The following CWC27 variants were observed in gnomAD, a reference collection of about 807,000 sequenced individuals.
CWC27 encodes the protein spliceosome-associated protein CWC27 homolog.
In CWC27, 47 loss-of-function variants were observed where a neutral mutation model predicts 63.6. That is an observed-to-expected ratio of 0.74 (90% CI 0.58 to 0.94). The LOEUF (loss-of-function observed/expected upper bound fraction) is 0.94, where lower values mean the gene tolerates loss of function less well. Ranked by LOEUF, CWC27 falls within the 40% of genes least tolerant of loss-of-function variation. The pLI is 0.00. For synonymous variants in CWC27, 175 were observed against 179.8 expected, an observed-to-expected ratio of 0.97 and a Z score of 0.22; for missense variants, 495 against 554.3, an observed-to-expected ratio of 0.89 and a Z score of 1.07.
intron 10 of CWC27, among the ~76,000 whole-genome samples, chr5:64,882,439 C>A (rs1746961477): frequency 6.6e-6 from 1 of 152,020 alleles, no homozygotes; most frequent in Non-Finnish European, 1.5e-5. Flanking sequence ...TTGAGATTTG[C>A]TATAAGTGTA....
At chr5:65,010,634 A>G (rs373514108) in intron 13 of CWC27, among the ~76,000 whole-genome samples, 3 of 152,314 alleles carry the variant, frequency 2.0e-5, no homozygotes, top group East Asian at 3.9e-4. Context: ...AGGTCTTTTA[A>G]CCCACATGGG....
At chr5:64,837,506 CT>C (rs561589444) in intron 10 of CWC27, among the ~76,000 whole-genome samples, 42 of 144,576 alleles carry the variant, frequency 2.9e-4, no homozygotes, top group South Asian at 1.1e-3. Flanking sequence ...AACTCATTCT[CT>C]TTTTTTTTTT....
At chr5:64,905,417 C>T (rs909161722) in intron 11 of CWC27, among the ~76,000 whole-genome samples, 2 of 151,928 alleles carry the variant, frequency 1.3e-5, no homozygotes, top group African/African-American at 4.8e-5. Flanking sequence ...TCTTTTAGAA[C>T]AGTGGTCTCC....
chr5:64,857,981 C>CA (rs532760074), intron 10 of CWC27, among the ~76,000 whole-genome samples: 3,046 of 141,762 alleles, frequency 0.021, 100 homozygotes, highest in African/African-American at 0.07. Context: ...ACTAAAAATA[C>CA]AAAAAAATTA....
chr5:64,876,787 A>T (rs1460474423), intron 10 of CWC27, among the ~76,000 whole-genome samples: 5 of 152,090 alleles, frequency 3.3e-5, no homozygotes, highest in African/African-American at 1.2e-4. Context: ...ACTGGAGAAA[A>T]TGAAAAAAGC....
intron 10 of CWC27, among the ~76,000 whole-genome samples, chr5:64,864,981 A>C (rs923605844): frequency 2.6e-5 from 4 of 152,104 alleles, no homozygotes; most frequent in African/African-American, 9.7e-5. Context: ...TAGATCTCAA[A>C]AATGTATGCC....
At chr5:65,000,624 T>G (rs1438902410) in intron 13 of CWC27, among the ~76,000 whole-genome samples, 1 of 152,126 alleles carries the variant, frequency 6.6e-6, no homozygotes, top group Non-Finnish European at 1.5e-5. Flanking sequence ...TTGTTGAAAG[T>G]CAGTTGGCTG....
At chr5:64,931,409 A>C (rs1389873480) in intron 11 of CWC27, among the ~76,000 whole-genome samples, 1 of 151,966 alleles carries the variant, frequency 6.6e-6, no homozygotes, top group Admixed American at 6.5e-5. Flanking sequence ...GTTTAAAATT[A>C]TTTCAAAATA....
intron 13 of CWC27, among the ~76,000 whole-genome samples, chr5:65,007,018 G>GAAAGAAAGA (rs1749859680): frequency 6.9e-6 from 1 of 144,090 alleles, no homozygotes; most frequent in Non-Finnish European, 1.5e-5. Context: ...AAGAAAGAAA[G>GAAAGAAAGA]AAAGAAAAGA....
intron 1 of CWC27, 94 bp downstream of exon 1, chr5:64,769,282 T>TCTCTTCCTACC: frequency 9.1e-7 from 1 of 1,094,868 alleles, no homozygotes. Context: ...GATCTCGTGG[T>TCTCTTCCTACC]AGGAAGAGAC....
At chr5:64,971,157 A>T (rs560728803) in intron 11 of CWC27, among the ~76,000 whole-genome samples, 2 of 152,318 alleles carry the variant, frequency 1.3e-5, no homozygotes, top group African/African-American at 4.8e-5. Flanking sequence ...TCAAACCTAT[A>T]GATTTGTTTT....
At chr5:65,002,769 G>A (rs956488324) in intron 13 of CWC27, among the ~76,000 whole-genome samples, 35 of 152,026 alleles carry the variant, frequency 2.3e-4, no homozygotes, top group Non-Finnish European at 8.8e-5. Context: ...TTCAGCTGTT[G>A]GATGAAATGT....
At chr5:64,802,789 T>G (rs1744532987) in intron 9 of CWC27, among the ~76,000 whole-genome samples, 1 of 152,138 alleles carries the variant, frequency 6.6e-6, no homozygotes, top group Admixed American at 6.5e-5. Context: ...ATTTCAAGAT[T>G]GAGGTAATTT....
intron 10 of CWC27, among the ~76,000 whole-genome samples, chr5:64,843,002 A>G (rs75063714): frequency 0.017 from 2,545 of 152,310 alleles, 67 homozygotes; most frequent in African/African-American, 0.059. Context: ...GGAATCATTT[A>G]TGTAAGAATA....
chr5:64,996,853 A>G (rs1053597034), intron 13 of CWC27, among the ~76,000 whole-genome samples: 1 of 152,158 alleles, frequency 6.6e-6, no homozygotes, highest in African/African-American at 2.4e-5. Context: ...CGTCGCTTTC[A>G]GAGGTTCTCC....
At chr5:64,969,621 A>G (rs1244741485) in intron 11 of CWC27, among the ~76,000 whole-genome samples, 1 of 152,168 alleles carries the variant, frequency 6.6e-6, no homozygotes, top group Admixed American at 6.5e-5. Context: ...TCTTTGAAAG[A>G]TACACTTAAG....
rs111655630 is a variant in CWC27, at chr5:64,904,032, T to C, written c.1042+18486T>C. Among the ~76,000 whole-genome samples the C allele has an allele frequency of 4.8e-3, 734 of 152,272 alleles. 5 individuals are homozygous for C. Among genetic ancestry groups the C allele is most frequent in the African/African-American group, 0.017 (693 of 41,518 alleles). On this transcript the variant is annotated intron_variant, in intron 11 of 13. Coordinates refer to ENST00000381070, the MANE Select transcript of CWC27 (RefSeq NM_005869.4). ...GGCTATTATGAATAATGCTATACAGTGAACATCCTTGTGCATTCACTTTGC... is the reference window on the plus strand; with the variant it reads ...GGCTATTATGAATAATGCTATACAGCGAACATCCTTGTGCATTCACTTTGC...
chr5:65,006,642 C>G (rs1191131067), intron 13 of CWC27, among the ~76,000 whole-genome samples: 2 of 151,678 alleles, frequency 1.3e-5, no homozygotes, highest in Non-Finnish European at 2.9e-5. Context: ...TAATATAATT[C>G]AAATAAAAAT....
intron 2 of CWC27, among the ~76,000 whole-genome samples, chr5:64,777,845 A>G (rs1743511911): frequency 6.6e-6 from 1 of 152,166 alleles, no homozygotes; most frequent in Admixed American, 6.5e-5. Flanking sequence ...CTAATAAATT[A>G]CAAAGAAGTA....
Sources: gnomAD v4.1 joint callset for allele counts (sites outside exome capture counted in the v4.1 genomes callset) on GRCh38, gnomAD v4.1.1 for gene constraint, MANE v1.5 for transcripts, NCBI Gene and HGNC (gene_info 2026-07-23, HGNC 2026-07-21) for gene names.